The following CDH23 variants were observed in gnomAD, a reference collection of about 807,000 sequenced individuals.
The protein encoded by CDH23 is cadherin related 23.
Under a neutral mutation model 317.1 loss-of-function variants are expected in CDH23, and 189 were observed. That is an observed-to-expected ratio of 0.60 (90% CI 0.53 to 0.67). The LOEUF (loss-of-function observed/expected upper bound fraction) is 0.67, where lower values mean the gene tolerates loss of function less well. CDH23 is among the 30% of genes least tolerant of loss of function. The pLI is 0.00. For synonymous variants in CDH23, 1,839 were observed against 1,876.8 expected (o/e 0.98, Z 0.52); for missense variants, 4,401 against 4,592.4 (o/e 0.96, Z 1.20).
chr10:71,688,820 G>C (rs1284711495), intron 19 of CDH23, among the ~76,000 whole-genome samples: 2 of 12,996 alleles, frequency 1.5e-4, no homozygotes, highest in Admixed American at 1.4e-3. Flanking sequence ...CGGTGGTGGA[G>C]CCAGGGGTGG....
chr10:71,623,143 T>C (rs534117384), intron 11 of CDH23, among the ~76,000 whole-genome samples: 39 of 152,144 alleles, frequency 2.6e-4, no homozygotes, highest in African/African-American at 9.4e-4. Context: ...GCAGTAGAAA[T>C]GGATGTTCAG....
At chr10:71,806,451 C>T (rs1244578506) in intron 57 of CDH23, among the ~76,000 whole-genome samples, 170 bp downstream of exon 57, 2 of 151,626 alleles carry the variant, frequency 1.3e-5, no homozygotes, top group Admixed American at 6.6e-5. Flanking sequence ...CTGTGTTACA[C>T]TATATTGAGC....
At chr10:71,415,953 T>G (rs1266294999) in intron 1 of CDH23, among the ~76,000 whole-genome samples, 1 of 152,236 alleles carries the variant, frequency 6.6e-6, no homozygotes, top group Non-Finnish European at 1.5e-5. Context: ...CCCACAAGAA[T>G]AGTGTTTATT....
intron 3 of CDH23, among the ~76,000 whole-genome samples, chr10:71,500,779 CTTTT>C (rs1345325975): frequency 1.4e-5 from 2 of 147,004 alleles, no homozygotes; most frequent in Non-Finnish European, 3.0e-5. Context: ...CTTTTCTTTT[CTTTT>C]CTTTTCTTTT....
chr10:71,727,979 C>T (rs976555889), intron 30 of CDH23, among the ~76,000 whole-genome samples: 1 of 152,178 alleles, frequency 6.6e-6, no homozygotes, highest in Non-Finnish European at 1.5e-5. Context: ...TGTAGCCAGA[C>T]TCATGGAGGA....
intron 11 of CDH23, among the ~76,000 whole-genome samples, chr10:71,643,321 G>A (rs1862655988): frequency 1.3e-5 from 2 of 152,250 alleles, no homozygotes. Flanking sequence ...GAGAGGGAGA[G>A]GCGTGTGTTC....
chr10:71,600,807 T>C (rs1860172761), intron 9 of CDH23, among the ~76,000 whole-genome samples: 1 of 152,180 alleles, frequency 6.6e-6, no homozygotes, highest in Non-Finnish European at 1.5e-5. Flanking sequence ...TGAGCCACCA[T>C]GCCCGGCAGA....
intron 38 of CDH23, chr10:71,752,966 G>A: frequency 6.2e-7 from 1 of 1,612,582 alleles, no homozygotes; most frequent in Non-Finnish European, 8.5e-7. Context: ...AGGTCTCCAT[G>A]GGCCTTACCT....
chr10:71,534,991 G>C (rs998616380), intron 6 of CDH23, among the ~76,000 whole-genome samples: 2 of 152,250 alleles, frequency 1.3e-5, no homozygotes, highest in African/African-American at 2.4e-5. Context: ...CTCCCTGTGT[G>C]GGCTGTCAGG....
chr10:71,556,905 T>A (rs1265575091), intron 6 of CDH23, among the ~76,000 whole-genome samples: 1 of 152,208 alleles, frequency 6.6e-6, no homozygotes, highest in Non-Finnish European at 1.5e-5. Context: ...ATTTCACTTT[T>A]ACACCATCCT....
chr10:71,663,876 C>G (rs1319070347), intron 14 of CDH23, among the ~76,000 whole-genome samples: 2 of 152,080 alleles, frequency 1.3e-5, no homozygotes, highest in Non-Finnish European at 2.9e-5. Context: ...TGGTGGGCAC[C>G]TGTAATCCCA....
At chr10:71,636,244 G>A (rs1265734416) in intron 11 of CDH23, among the ~76,000 whole-genome samples, 1 of 152,136 alleles carries the variant, frequency 6.6e-6, no homozygotes, top group Non-Finnish European at 1.5e-5. Context: ...AGTGGGCCGG[G>A]TGCGGTAGCT....
At chr10:71,434,382 C>T (rs977722255) in intron 1 of CDH23, among the ~76,000 whole-genome samples, 1 of 152,226 alleles carries the variant, frequency 6.6e-6, no homozygotes, top group Non-Finnish European at 1.5e-5. Flanking sequence ...TGTCCTTAAG[C>T]TCTAGCACAG....
intron 9 of CDH23, among the ~76,000 whole-genome samples, chr10:71,590,598 A>T (rs1473870239): frequency 6.6e-6 from 1 of 152,218 alleles, no homozygotes; most frequent in Non-Finnish European, 1.5e-5. Flanking sequence ...GTTTTTCTTT[A>T]TAATGACAGT....
chr10:71,757,896 C>T (rs1314972090), intron 38 of CDH23, among the ~76,000 whole-genome samples: 1 of 152,210 alleles, frequency 6.6e-6, no homozygotes, highest in Admixed American at 6.5e-5. Flanking sequence ...TCTGAGCTCA[C>T]TGAGAAACCA....
chr10:71,751,382 G>A lies in CDH23; in HGVS notation c.4845+9461G>A, dbSNP rs1271600175. The A allele has an allele frequency of 5.0e-6, 4 of 798,410 alleles. No individual in the cohort carries two copies. The highest frequency in any genetic ancestry group is 7.6e-6 in the Non-Finnish European group (4 of 525,362). 49.5% of individuals were successfully genotyped at this position (798,410 alleles called of 1,614,324 possible). ...AGGCCGTGGAACTCTTCAGGGAGGT[G>A]AATGGGGGCCCCTCTGTCCCTCACC... is the stretch of plus-strand genomic sequence containing the variant. On this transcript the variant is annotated intron_variant, in intron 38 of 69. Coordinates refer to ENST00000224721, the MANE Select transcript of CDH23 (RefSeq NM_022124.6). The surrounding 1 kb of genome is among the most constrained non-coding windows in gnomAD (Gnocchi z 4.9).
chr10:71,716,022 C>G, intron 28 of CDH23: 2 of 1,501,530 alleles, frequency 1.3e-6, no homozygotes, highest in African/African-American at 2.8e-5. Context: ...GTGGGCCGGC[C>G]ATGGCGGAAG....
Position 71,623,454 on chromosome 10 carries a change from G to A in CDH23, c.1134+6061G>A, listed in dbSNP as rs560601745. 2.6e-5 allele frequency among the ~76,000 whole-genome samples: 4 copies of A among 152,376 alleles called. No individual in the cohort carries two copies. The East Asian group carries it at 7.7e-4, about 29-fold the overall frequency. ...AGGCCAGGCTGCAGCCTCATCGGGG[G>A]CAGGCAGGGCTTTGTCAGGCACAGG... On this transcript the variant is annotated intron_variant, in intron 11 of 69. Transcript: ENST00000224721.
intron 38 of CDH23, among the ~76,000 whole-genome samples, chr10:71,772,645 A>T (rs1840714076): frequency 6.6e-6 from 1 of 152,194 alleles, no homozygotes; most frequent in South Asian, 2.1e-4. Context: ...GAGATGCCGT[A>T]ATTTATCCAG....
Sources: gnomAD v4.1 joint callset for allele counts (sites outside exome capture counted in the v4.1 genomes callset) on GRCh38, gnomAD v4.1.1 for gene constraint, Gnocchi (gnomAD v3.1) non-coding constraint, MANE v1.5 for transcripts, NCBI Gene and HGNC (gene_info 2026-07-23, HGNC 2026-07-21) for gene names.